The following HUNK variants were observed in gnomAD, a reference collection of about 807,000 sequenced individuals.
HUNK encodes the protein hormonally up-regulated Neu-associated kinase, also known as hormonally up-regulated neu tumor-associated kinase.
Under a neutral mutation model 61.0 loss-of-function variants are expected in HUNK, and 21 were observed. The observed-to-expected ratio is 0.34, with a 90% CI of 0.24 to 0.50. The LOEUF is 0.50. Among genes scored for constraint, HUNK ranks in the 20% least tolerant of loss-of-function variants. HUNK has a pLI of 0.98. For missense variants in HUNK, 772 were observed against 945.7 expected (o/e 0.82, Z 2.41); for synonymous variants, 371 against 386.1 (o/e 0.96, Z 0.46).
intron 3 of HUNK, 107 bp from the exon 4 acceptor site, chr21:31,945,929 G>C: frequency 9.0e-7 from 1 of 1,112,590 alleles, no homozygotes. Flanking sequence ...GTTAGCCTGA[G>C]AGAATGTTTC....
chr21:31,991,946 T>C (rs1289145507), intron 9 of HUNK, among the ~76,000 whole-genome samples: 2 of 152,192 alleles, frequency 1.3e-5, no homozygotes, highest in Admixed American at 1.3e-4. Flanking sequence ...TTCATTGTTA[T>C]CCTCCCAGAG....
At chr21:31,880,195 C>A (rs1268114923) in intron 1 of HUNK, among the ~76,000 whole-genome samples, 3 of 152,220 alleles carry the variant, frequency 2.0e-5, no homozygotes, top group African/African-American at 7.2e-5. Context: ...ATGCCTGCAG[C>A]AGCCCTGGTG....
At position 31,967,744 on chromosome 21, in the gene HUNK, C is replaced by T. The variant is rs1442435869; in HGVS notation, c.875-506C>T. ...TGTGGTGCCCAGTTGAGAGGTCTAA[C>T]TTAGGATGCCTGTACACTTCTGGCT... On this transcript the variant is annotated intron_variant, in intron 5 of 10. Transcript: ENST00000270112. Among the ~76,000 whole-genome samples the T allele has an allele frequency of 3.9e-5, 6 of 152,246 alleles. No individual in the cohort carries two copies. In the South Asian group the frequency reaches 1.0e-3, roughly 26 times the overall value.
intron 4 of HUNK, among the ~76,000 whole-genome samples, chr21:31,947,218 C>T (rs1215401730): frequency 6.6e-6 from 1 of 151,500 alleles, no homozygotes; most frequent in Non-Finnish European, 1.5e-5. Flanking sequence ...AGTCTCAAGC[C>T]AGTGGCGCCT....
intron 1 of HUNK, among the ~76,000 whole-genome samples, chr21:31,917,539 T>C (rs1568924654): frequency 1.3e-5 from 2 of 152,168 alleles, no homozygotes; most frequent in Non-Finnish European, 2.9e-5. Context: ...GGGAAATCTT[T>C]GGAAAACTGA....
At chr21:31,964,814 C>T (rs961896375) in intron 5 of HUNK, among the ~76,000 whole-genome samples, 7 of 152,122 alleles carry the variant, frequency 4.6e-5, no homozygotes, top group South Asian at 2.1e-4. Flanking sequence ...AGATGCAGAG[C>T]GCTCGGTTAT....
chr21:31,986,702 T>C (rs2053135961), intron 8 of HUNK, among the ~76,000 whole-genome samples: 2 of 152,164 alleles, frequency 1.3e-5, no homozygotes, highest in African/African-American at 4.8e-5. Context: ...GGGCTTGCTG[T>C]GCTCTCTCTG....
chr21:31,983,292 A>G (rs2096512), intron 7 of HUNK, among the ~76,000 whole-genome samples: 85,354 of 151,994 alleles, frequency 0.56, 25,059 homozygotes, highest in African/African-American at 0.75. Context: ...CTGGCCCTTT[A>G]CTGGCAGCGA....
chr21:31,968,727 T>A (rs1198749749), intron 6 of HUNK, among the ~76,000 whole-genome samples: 5 of 141,600 alleles, frequency 3.5e-5, no homozygotes, highest in Non-Finnish European at 7.8e-5. Flanking sequence ...TGTGTGTGTG[T>A]GTGTGTGTGT....
intron 7 of HUNK, among the ~76,000 whole-genome samples, 194 bp downstream of exon 7, chr21:31,974,911 T>C (rs1269095605): frequency 6.6e-6 from 1 of 152,038 alleles, no homozygotes; most frequent in East Asian, 1.9e-4. Flanking sequence ...TGCAATGTTT[T>C]TCAAATACTC....
chr21:31,876,616 G>C (rs2052264177), intron 1 of HUNK, among the ~76,000 whole-genome samples: 1 of 152,116 alleles, frequency 6.6e-6, no homozygotes, highest in African/African-American at 2.4e-5. Flanking sequence ...CTTTTAAAAG[G>C]TGAGCTACTA....
At chr21:31,881,347 C>G (rs553983708) in intron 1 of HUNK, among the ~76,000 whole-genome samples, 1 of 152,242 alleles carries the variant, frequency 6.6e-6, no homozygotes, top group Admixed American at 6.5e-5. Context: ...CAAAGTATGG[C>G]CAGGCGTGGT....
intron 1 of HUNK, among the ~76,000 whole-genome samples, chr21:31,909,103 G>A (rs1199636126): frequency 1.3e-5 from 2 of 152,146 alleles, no homozygotes; most frequent in Admixed American, 1.3e-4. Context: ...AGGGACTGAG[G>A]GTTAATTTTA....
At chr21:31,917,749 CACACACA>C (rs1568924803) in intron 1 of HUNK, among the ~76,000 whole-genome samples, 218 of 145,590 alleles carry the variant, frequency 1.5e-3, no homozygotes, top group Admixed American at 3.1e-3. Context: ...CACACACACA[CACACACA>C]CCCCTGGACT....
intron 1 of HUNK, among the ~76,000 whole-genome samples, chr21:31,900,610 C>T (rs768191478): frequency 9.9e-5 from 15 of 152,186 alleles, no homozygotes; most frequent in Admixed American, 3.9e-4. Flanking sequence ...GTCTCCTCTT[C>T]GAGTCTGGCT....
At position 31,946,105 on chromosome 21, in the gene HUNK, C is replaced by T; in HGVS notation, c.680C>T (p.Pro227Leu). 1 of 1,613,624 alleles carries T rather than the reference C, an allele frequency of 6.2e-7. No individual in the cohort carries two copies. Among genetic ancestry groups the T allele is most frequent in the Non-Finnish European group, 8.5e-7 (1 of 1,179,534 alleles). The change falls in exon 4 of 11, where the codon CCT (proline) becomes CTT (leucine). Residue 227 changes from proline to leucine, a missense_variant. Transcript: ENST00000270112. Reference sequence around the variant, plus strand: ...CCGTTCAGCACACAGTGTGGCAGCCCTGCCTACGCTGCACCTGAACTGCTC... The same window carrying T: ...CCGTTCAGCACACAGTGTGGCAGCCTTGCCTACGCTGCACCTGAACTGCTC... ...SDPFSTQCGS[P>L]AYAAPELLAR...
intron 1 of HUNK, among the ~76,000 whole-genome samples, chr21:31,923,198 C>T (rs2052634682): frequency 6.6e-6 from 1 of 152,132 alleles, no homozygotes. Context: ...GACGCCGGTG[C>T]TTTGGGAGGC....
chr21:31,920,145 C>T (rs1012460653), intron 1 of HUNK, among the ~76,000 whole-genome samples: 12 of 152,188 alleles, frequency 7.9e-5, no homozygotes, highest in Admixed American at 7.9e-4. Context: ...TGTCTGCCTC[C>T]TTCCTCCTGT....
At chr21:31,982,426 T>C (rs1223460090) in intron 7 of HUNK, among the ~76,000 whole-genome samples, 1 of 152,230 alleles carries the variant, frequency 6.6e-6, no homozygotes, top group Non-Finnish European at 1.5e-5. Context: ...ATTAATTTTA[T>C]CAACCAATTA....
Sources: gnomAD v4.1 joint callset for allele counts (sites outside exome capture counted in the v4.1 genomes callset) on GRCh38, gnomAD v4.1.1 for gene constraint, MANE v1.5 for transcripts, NCBI Gene and HGNC (gene_info 2026-07-23, HGNC 2026-07-21) for gene names.